Variants in GABRB3 observed in about 807,000 individuals in gnomAD.
GABRB3 encodes the protein gamma-aminobutyric acid type A receptor subunit beta3.
Under a neutral mutation model 52.1 loss-of-function variants are expected in GABRB3, and 14 were observed. The observed-to-expected ratio is 0.27, with a 90% confidence interval of 0.18 to 0.42. The LOEUF (loss-of-function observed/expected upper bound fraction) is 0.42. Among genes scored for constraint, GABRB3 ranks in the 10% least tolerant of loss-of-function variants. The pLI is 1.00. For synonymous variants in GABRB3, 260 were observed against 232.3 expected, an observed-to-expected ratio of 1.12 and a Z score of -1.08; for missense variants, 307 against 609.1, an observed-to-expected ratio of 0.50 and a Z score of 5.22.
intron 3 of GABRB3, among the ~76,000 whole-genome samples, chr15:26,754,099 T>C (rs562695704): frequency 6.6e-6 from 1 of 152,298 alleles, no homozygotes; most frequent in East Asian, 1.9e-4. Flanking sequence ...AAAAGCAACA[T>C]AAACCCATGA....
chr15:26,759,030 A>G (rs1890738834), intron 3 of GABRB3, among the ~76,000 whole-genome samples: 1 of 152,050 alleles, frequency 6.6e-6, no homozygotes, highest in South Asian at 2.1e-4. Context: ...GATCTATATA[A>G]TCCTAATCCT....
At chr15:26,766,928 G>C (rs999029931) in intron 3 of GABRB3, among the ~76,000 whole-genome samples, 15 of 151,964 alleles carry the variant, frequency 9.9e-5, no homozygotes, top group Non-Finnish European at 2.1e-4. Flanking sequence ...CCTTCCTGAG[G>C]GGAAAGGCAA....
intron 3 of GABRB3, among the ~76,000 whole-genome samples, chr15:26,650,449 A>C (rs1007715660): frequency 6.6e-6 from 1 of 152,116 alleles, no homozygotes; most frequent in African/African-American, 2.4e-5. Context: ...AAAGAGAAGC[A>C]GATTTTCAGA....
intron 3 of GABRB3, among the ~76,000 whole-genome samples, chr15:26,743,301 T>G (rs912697103): frequency 2.6e-5 from 4 of 152,148 alleles, no homozygotes; most frequent in African/African-American, 9.7e-5. Context: ...CCATCTCTAC[T>G]CTTCCCACAG....
intron 3 of GABRB3, among the ~76,000 whole-genome samples, chr15:26,689,149 C>T (rs1888499731): frequency 6.6e-6 from 1 of 152,178 alleles, no homozygotes; most frequent in Admixed American, 6.5e-5. Context: ...CCAGGTCCCC[C>T]AGTGCCCCGC....
In GABRB3 at chr15:26,561,132, G is replaced by A. The variant is rs769077258; in HGVS notation, c.880C>T (p.Arg294Trp). The A allele has an allele frequency of 1.9e-6, 3 of 1,614,206 alleles. No individual in the cohort carries two copies. Among genetic ancestry groups the A allele is most frequent in the African/African-American group, 1.3e-5 (1 of 75,068 alleles). Residue 294 changes from arginine (R) to tryptophan (W), a missense_variant, in exon 8 of 9, where the codon CGG becomes TGG. Physicochemically the swap from Arg to Trp is moderately radical, Grantham distance 101. Coordinates refer to ENST00000311550, the MANE Select transcript of GABRB3 (RefSeq NM_000814.6). ...TAGGGGATTTTGGGCAAGGTCTCCC[G>A]AAGGTGGGTGTTGATGGTTGTCATT... ...LTMTTINTHL[R>W]ETLPKIPYVK...
At chr15:26,757,979 C>T (rs1407692356) in intron 3 of GABRB3, among the ~76,000 whole-genome samples, 2 of 152,104 alleles carry the variant, frequency 1.3e-5, no homozygotes, top group Non-Finnish European at 2.9e-5. Context: ...TCTCAACGGG[C>T]TCCACTATCA....
intron 3 of GABRB3, among the ~76,000 whole-genome samples, chr15:26,730,530 AAAG>A (rs993260228): frequency 1.3e-5 from 2 of 152,086 alleles, no homozygotes; most frequent in Non-Finnish European, 1.5e-5. Context: ...TTGTGGAGAG[AAAG>A]AAGAGGAGCT....
intron 4 of GABRB3, among the ~76,000 whole-genome samples, chr15:26,600,478 T>C (rs764789880): frequency 4.0e-5 from 6 of 151,804 alleles, no homozygotes; most frequent in Non-Finnish European, 8.8e-5. Flanking sequence ...AAGAAAAGCA[T>C]CCAGAGATAA....
At chr15:26,763,991 A>C (rs2140186871) in intron 3 of GABRB3, among the ~76,000 whole-genome samples, 1 of 150,952 alleles carries the variant, frequency 6.6e-6, no homozygotes, top group African/African-American at 2.4e-5. Flanking sequence ...ACTAAAAATA[A>C]ATTTAAAAAT....
At chr15:26,648,848 G>A (rs1887098690) in intron 3 of GABRB3, among the ~76,000 whole-genome samples, 1 of 152,180 alleles carries the variant, frequency 6.6e-6, no homozygotes, top group African/African-American at 2.4e-5. Context: ...TGAGCAGCAG[G>A]TGGGTGGACA....
chr15:26,600,178 T>G (rs565371256), intron 4 of GABRB3, among the ~76,000 whole-genome samples: 12 of 151,992 alleles, frequency 7.9e-5, no homozygotes, highest in African/African-American at 2.9e-4. Context: ...ATATTTGAAA[T>G]TATCCAGTCA....
At chr15:26,562,849 T>C (rs1248313909) in intron 7 of GABRB3, among the ~76,000 whole-genome samples, 2 of 149,670 alleles carry the variant, frequency 1.3e-5, no homozygotes, top group African/African-American at 2.5e-5. Flanking sequence ...ACTCTTTTTA[T>C]GTAGAACTGC....
rs759453899 is a variant in GABRB3 at position 26,567,740 on chromosome 15, G to T, written c.683-7C>A. 31 of 1,613,516 alleles carry T rather than the reference G, an allele frequency of 1.9e-5. No homozygotes were observed. The Admixed American group carries it at 5.0e-4, about 26-fold the overall frequency. The stretch of plus-strand genomic sequence containing the variant: ...GACAGTCGAGGATAGGCACCTATGG[G>T]AAACAGACAAGGATATTACACTGGA... On this transcript the variant is annotated splice_polypyrimidine_tract_variant and splice_region_variant and intron_variant, in intron 6 of 8. Coordinates refer to ENST00000311550, the MANE Select transcript of GABRB3 (RefSeq NM_000814.6).
intron 3 of GABRB3, among the ~76,000 whole-genome samples, chr15:26,684,522 C>T (rs963994556): frequency 6.6e-6 from 1 of 152,154 alleles, no homozygotes; most frequent in Non-Finnish European, 1.5e-5. Context: ...GCCTAGCTTT[C>T]GGCCTGTTTT....
intron 2 of GABRB3, 100 bp downstream of exon 2, chr15:26,772,581 A>G (rs1049674934): frequency 1.4e-6 from 2 of 1,426,026 alleles, no homozygotes; most frequent in African/African-American, 3.0e-5. Flanking sequence ...CCCCACTCCC[A>G]CCCGCCGCTG....
chr15:26,565,833 T>A (rs944138041), intron 7 of GABRB3, among the ~76,000 whole-genome samples: 1 of 152,188 alleles, frequency 6.6e-6, no homozygotes, highest in African/African-American at 2.4e-5. Context: ...CTGTAGCAGA[T>A]GCTTCAGATC....
At position 26,760,809 on chromosome 15, in the gene GABRB3, G is replaced by GCGCACACACACA. The variant is rs371524450; in HGVS notation, c.240+11592_240+11593insTGTGTGTGTGCG. ...AATGCCAACACACACACACGCGCAC[G>GCGCACACACACA]CACACACACACACACACAAGCAAAC... On this transcript the variant is annotated intron_variant, in intron 3 of 8. Coordinates refer to ENST00000311550, the MANE Select transcript of GABRB3 (RefSeq NM_000814.6). 4.2e-3 allele frequency among the ~76,000 whole-genome samples: 629 copies of GCGCACACACACA among 149,394 alleles called. 5 individuals carry two copies. The highest frequency in any genetic ancestry group is 0.012 in the African/African-American group (479 of 40,480).
chr15:26,611,206 AG>A (rs1186734649), intron 4 of GABRB3, among the ~76,000 whole-genome samples: 10 of 152,210 alleles, frequency 6.6e-5, no homozygotes, highest in African/African-American at 2.4e-4. Context: ...AAAAAATGAA[AG>A]GCTTGAGTAA....
Sources: gnomAD v4.1 joint callset for allele counts (sites outside exome capture counted in the v4.1 genomes callset) on GRCh38, gnomAD v4.1.1 for gene constraint, MANE v1.5 for transcripts, NCBI Gene and HGNC (gene_info 2026-07-23, HGNC 2026-07-21) for gene names.